The following NBEA variants were observed in gnomAD, a reference collection of about 807,000 sequenced individuals.
NBEA encodes lysosomal-trafficking regulator 2.
A neutral mutation model predicts 343.4 loss-of-function variants in NBEA; 44 were observed. That is an observed-to-expected ratio of 0.13 (90% CI 0.10 to 0.16). The LOEUF (loss-of-function observed/expected upper bound fraction) is 0.16, where lower values mean the gene tolerates loss of function less well. NBEA is among the 10% of genes least tolerant of loss of function. The pLI, the probability that NBEA is intolerant of heterozygous loss-of-function variation, is 1.00. For missense variants in NBEA, 2,555 were observed against 3,631.3 expected, an observed-to-expected ratio of 0.70 and a Z score of 7.62; for synonymous variants, 1,175 against 1,238.7, an observed-to-expected ratio of 0.95 and a Z score of 1.08.
chr13:35,530,340 G>A (rs558525053), intron 41 of NBEA, among the ~76,000 whole-genome samples: 2 of 152,022 alleles, frequency 1.3e-5, no homozygotes, highest in South Asian at 2.1e-4. Context: ...GACTGGCGGC[G>A]GCCTGTCCCC....
chr13:35,140,786 G>A (rs557239278), intron 17 of NBEA, among the ~76,000 whole-genome samples: 9 of 152,230 alleles, frequency 5.9e-5, no homozygotes, highest in African/African-American at 1.9e-4. Context: ...AACAGTAGCT[G>A]CCATAACTGA....
intron 14 of NBEA, among the ~76,000 whole-genome samples, chr13:35,117,717 A>T (rs979947844): frequency 5.9e-5 from 9 of 152,044 alleles, no homozygotes; most frequent in Admixed American, 6.5e-5. Flanking sequence ...GACAAGGAAC[A>T]TATGAATAAG....
chr13:35,248,243 A>C (rs1035395697), intron 34 of NBEA, among the ~76,000 whole-genome samples: 4 of 152,250 alleles, frequency 2.6e-5, no homozygotes, highest in Non-Finnish European at 4.4e-5. Context: ...CAACATATTA[A>C]AAGGATTATA....
intron 41 of NBEA, among the ~76,000 whole-genome samples, chr13:35,508,779 G>A (rs1415037814): frequency 1.3e-5 from 2 of 152,178 alleles, no homozygotes; most frequent in Non-Finnish European, 2.9e-5. Context: ...CTAGGATCTA[G>A]GGGAGTGGAG....
At chr13:34,973,256 C>G (rs1347875139) in intron 1 of NBEA, among the ~76,000 whole-genome samples, 1 of 151,984 alleles carries the variant, frequency 6.6e-6, no homozygotes, top group African/African-American at 2.4e-5. Flanking sequence ...ACTGGCAGGT[C>G]TTGCCCAGTC....
At chr13:35,129,106 T>C (rs1209312066) in intron 17 of NBEA, among the ~76,000 whole-genome samples, 2 of 151,674 alleles carry the variant, frequency 1.3e-5, no homozygotes, top group Non-Finnish European at 2.9e-5. Flanking sequence ...ATATACCTAA[T>C]GTTAAATGAT....
chr13:35,582,518 A>T (rs2081101561), intron 45 of NBEA, among the ~76,000 whole-genome samples: 1 of 152,130 alleles, frequency 6.6e-6, no homozygotes, highest in Non-Finnish European at 1.5e-5. Context: ...TTTAAACCTT[A>T]GAACTTTTTA....
chr13:35,528,158 A>G (rs943572339), intron 41 of NBEA, among the ~76,000 whole-genome samples: 4 of 152,180 alleles, frequency 2.6e-5, no homozygotes, highest in Admixed American at 6.5e-5. Flanking sequence ...CAACAATTTT[A>G]CCCCAAGCAT....
intron 40 of NBEA, among the ~76,000 whole-genome samples, chr13:35,465,727 T>G (rs1211080846): frequency 6.6e-6 from 1 of 152,200 alleles, no homozygotes; most frequent in Admixed American, 6.5e-5. Flanking sequence ...CTTTTTGTAT[T>G]AGAAAATAAC....
intron 36 of NBEA, among the ~76,000 whole-genome samples, chr13:35,329,925 G>A (rs1307224599): frequency 2.6e-5 from 4 of 151,906 alleles, no homozygotes; most frequent in Admixed American, 2.0e-4. Flanking sequence ...CACTGAATTA[G>A]GAATCTACTT....
intron 36 of NBEA, among the ~76,000 whole-genome samples, chr13:35,332,054 T>G (rs1043828445): frequency 1.3e-5 from 2 of 152,048 alleles, no homozygotes; most frequent in Non-Finnish European, 2.9e-5. Flanking sequence ...AACATACTCA[T>G]GCATTCATTC....
Position 35,643,090 on chromosome 13 carries a change from TC to T in NBEA, c.7618-2778del, listed in dbSNP as rs1161223802. 9.1e-5 allele frequency among the ~76,000 whole-genome samples: 12 copies of T among 131,196 alleles called. 1 individual carries two copies. The East Asian group carries it at 1.2e-3, about 13-fold the overall frequency. 86.1% of individuals were successfully genotyped at this position (131,196 alleles called of 152,430 possible). On this transcript the variant is annotated intron_variant, in intron 49 of 58. Coordinates refer to ENST00000379939, the MANE Select transcript of NBEA (RefSeq NM_001385012.1). ...AATTCATCTCACAGTTCCAGTAGTT[TC>T]TTTTTTTTTTTAACTTGATATATTT...
intron 36 of NBEA, among the ~76,000 whole-genome samples, chr13:35,314,245 G>C (rs1179207146): frequency 2.0e-5 from 3 of 152,100 alleles, no homozygotes; most frequent in African/African-American, 7.2e-5. Context: ...ACTGAAAATA[G>C]CGATTGTAAA....
Position 34,976,424 on chromosome 13 carries a change from A to C in NBEA, c.294+33310A>C, listed in dbSNP as rs73490379. 7.7e-3 allele frequency among the ~76,000 whole-genome samples: 1,174 copies of C among 152,214 alleles called. 17 individuals are homozygous for C. Among genetic ancestry groups the C allele is most frequent in the African/African-American group, 0.027 (1,104 of 41,538 alleles). On this transcript the variant is annotated intron_variant, in intron 1 of 58. Transcript: ENST00000379939. Reference sequence around the variant, plus strand: ...CATTGGAGTTTGGGGACTTGGGGCAAAGAATGGGGGGTGGCAAAGGATAAA... The same window carrying C: ...CATTGGAGTTTGGGGACTTGGGGCACAGAATGGGGGGTGGCAAAGGATAAA...
At chr13:35,173,135 T>C (rs2070601759) in intron 26 of NBEA, among the ~76,000 whole-genome samples, 1 of 152,138 alleles carries the variant, frequency 6.6e-6, no homozygotes, top group Non-Finnish European at 1.5e-5. Flanking sequence ...AATATTTTAT[T>C]GATCCATAAA....
intron 33 of NBEA, among the ~76,000 whole-genome samples, chr13:35,211,685 C>A (rs1309226523): frequency 6.6e-6 from 1 of 151,870 alleles, no homozygotes; most frequent in Non-Finnish European, 1.5e-5. Flanking sequence ...TGTGGTGGTG[C>A]ACGCCTGTAA....
At chr13:35,091,902 T>G (rs2065099720) in intron 10 of NBEA, among the ~76,000 whole-genome samples, 1 of 151,986 alleles carries the variant, frequency 6.6e-6, no homozygotes, top group Non-Finnish European at 1.5e-5. Context: ...TAGCTGAATA[T>G]GTTCATTAAT....
chr13:34,958,633 G>C (rs1396358486), intron 1 of NBEA, among the ~76,000 whole-genome samples: 3 of 151,330 alleles, frequency 2.0e-5, no homozygotes, highest in Non-Finnish European at 4.4e-5. Context: ...AGGTGCTTTT[G>C]GTTTTTACTG....
At chr13:35,635,641 T>C (rs750090164) in intron 49 of NBEA, among the ~76,000 whole-genome samples, 4 of 152,136 alleles carry the variant, frequency 2.6e-5, no homozygotes, top group Non-Finnish European at 4.4e-5. Flanking sequence ...AATAAGGATA[T>C]AGGTTCAAAT....
Sources: allele counts gnomAD v4.1 joint callset (sites outside exome capture counted in the v4.1 genomes callset), GRCh38; gene constraint gnomAD v4.1.1; transcripts MANE v1.5; gene names NCBI Gene and HGNC (gene_info 2026-07-23, HGNC 2026-07-21).